PIK3R3: variants seen among roughly 807,000 people sequenced by gnomAD.
PIK3R3 encodes the protein phosphatidylinositol 3-kinase regulatory subunit gamma.
In PIK3R3, 64 loss-of-function variants were observed where a neutral mutation model predicts 62.9. That is an observed-to-expected ratio of 1.02 (90% CI 0.83 to 1.25). The LOEUF (loss-of-function observed/expected upper bound fraction) is 1.25. Ranked by LOEUF, PIK3R3 falls within the 50% of genes most tolerant of loss-of-function variation. The pLI, the probability that PIK3R3 is intolerant of heterozygous loss-of-function variation, is 0.00. For synonymous variants in PIK3R3, 165 were observed against 189.0 expected (o/e 0.87, Z 1.04); for missense variants, 614 against 561.6 (o/e 1.09, Z -0.94).
At chr1:46,087,963 T>C (rs1175472559) in intron 1 of PIK3R3, among the ~76,000 whole-genome samples, 2 of 152,190 alleles carry the variant, frequency 1.3e-5, no homozygotes, top group Non-Finnish European at 2.9e-5. Flanking sequence ...AAGGATGGAA[T>C]AGAAGTTAGT....
At chr1:46,127,545 G>A (rs1198523363) in intron 1 of PIK3R3, among the ~76,000 whole-genome samples, 1 of 152,118 alleles carries the variant, frequency 6.6e-6, no homozygotes, top group Non-Finnish European at 1.5e-5. Context: ...AACCTTTTGT[G>A]TATGAGTTAT....
the PIK3R3 span, among the ~76,000 whole-genome samples, chr1:46,150,140 C>T: frequency 1.3e-5 from 2 of 152,196 alleles, no homozygotes; most frequent in Non-Finnish European, 2.9e-5. Flanking sequence ...TCCTGAAACC[C>T]CCATCCCTTC....
intron 6 of PIK3R3, among the ~76,000 whole-genome samples, chr1:46,060,828 G>A (rs1481610341): frequency 2.6e-5 from 4 of 152,150 alleles, no homozygotes; most frequent in African/African-American, 9.7e-5. Context: ...CACTAATACT[G>A]TGGTCCTAAT....
chr1:46,128,597 A>C (rs1043810276), intron 1 of PIK3R3, among the ~76,000 whole-genome samples: 1 of 152,218 alleles, frequency 6.6e-6, no homozygotes, highest in Non-Finnish European at 1.5e-5. Context: ...AGGCACCTAA[A>C]GACTAGAAGG....
intron 5 of PIK3R3, among the ~76,000 whole-genome samples, chr1:46,063,592 G>C (rs905237595): frequency 6.6e-6 from 1 of 152,120 alleles, no homozygotes; most frequent in African/African-American, 2.4e-5. Context: ...ACAGCAAAGG[G>C]AAAAGTATTT....
intron 3 of PIK3R3, among the ~76,000 whole-genome samples, chr1:46,067,646 C>A (rs191963354): frequency 4.1e-4 from 62 of 152,208 alleles, no homozygotes; most frequent in Non-Finnish European, 1.0e-4. Flanking sequence ...TGATTTATAG[C>A]TGCATAATTA....
chr1:46,047,590 C>T (rs1233897897), intron 7 of PIK3R3, among the ~76,000 whole-genome samples: 2 of 152,100 alleles, frequency 1.3e-5, no homozygotes, highest in Non-Finnish European at 2.9e-5. Flanking sequence ...AAAGCATCTT[C>T]GTTCATCATT....
chr1:46,131,564 G>A, intron 1 of PIK3R3: 1 of 435,910 alleles, frequency 2.3e-6, no homozygotes, highest in Non-Finnish European at 4.3e-6. Context: ...TGAACGACAC[G>A]CAAAGGCAAA....
At chr1:46,075,909 G>C (rs76071810) in intron 3 of PIK3R3, among the ~76,000 whole-genome samples, 6,116 of 152,270 alleles carry the variant, frequency 0.04, 421 homozygotes, top group African/African-American at 0.14. Context: ...GAACCCATAG[G>C]GGGTGAGGAG....
At chr1:46,166,220 CTTTTCTTTTCTTTTT>C in the PIK3R3 span, among the ~76,000 whole-genome samples, 1 of 150,482 alleles carries the variant, frequency 6.6e-6, no homozygotes, top group Admixed American at 6.6e-5. Flanking sequence ...CTTTTCTTTT[CTTTTCTTTTCTTTTT>C]TTTTCTGAGA....
intron 1 of PIK3R3, among the ~76,000 whole-genome samples, chr1:46,101,980 C>CTTTTTTTTTTTTTTT (rs538688681): frequency 2.2e-5 from 2 of 89,930 alleles, no homozygotes; most frequent in Non-Finnish European, 4.0e-5. Flanking sequence ...GAATTGTATA[C>CTTTTTTTTTTTTTTT]TTTTTTTTTT....
intron 1 of PIK3R3, among the ~76,000 whole-genome samples, chr1:46,098,899 G>A (rs867536676): frequency 2.0e-5 from 3 of 151,888 alleles, no homozygotes; most frequent in African/African-American, 7.3e-5. Flanking sequence ...ACAGGGTCTC[G>A]CTAAATTGCC....
chr1:46,155,870 C>T, the PIK3R3 span, among the ~76,000 whole-genome samples: 3 of 152,094 alleles, frequency 2.0e-5, no homozygotes, highest in African/African-American at 7.2e-5. Context: ...ATTCAGATTT[C>T]GGTATCCATA....
chr1:46,071,099 CT>C (rs1557578405), intron 3 of PIK3R3, among the ~76,000 whole-genome samples: 2 of 152,010 alleles, frequency 1.3e-5, no homozygotes, highest in African/African-American at 4.8e-5. Context: ...ATCCCAGGCC[CT>C]CCTTCTCCCT....
At chr1:46,074,315 AAAC>A (rs1197088890) in intron 3 of PIK3R3, among the ~76,000 whole-genome samples, 2,020 of 62,718 alleles carry the variant, frequency 0.032, 442 homozygotes, top group Non-Finnish European at 0.037. Flanking sequence ...AAAAAAAAAA[AAAC>A]CAATAAATTC....
chr1:46,061,748 A>G (rs1648506974), intron 6 of PIK3R3, among the ~76,000 whole-genome samples, 181 bp downstream of exon 6: 1 of 152,202 alleles, frequency 6.6e-6, no homozygotes, highest in African/African-American at 2.4e-5. Flanking sequence ...TCCGTTTGGG[A>G]GAATGAACAA....
chr1:46,086,658 C>CCATT (rs1341213261), intron 1 of PIK3R3, among the ~76,000 whole-genome samples: 1 of 152,102 alleles, frequency 6.6e-6, no homozygotes, highest in Non-Finnish European at 1.5e-5. Context: ...CGAGATCGTG[C>CCATT]CATTGCACTC....
the PIK3R3 span, among the ~76,000 whole-genome samples, chr1:46,144,602 T>TACTAAGAATACAAAAGTTA: frequency 6.6e-6 from 1 of 152,094 alleles, no homozygotes; most frequent in African/African-American, 2.4e-5. Context: ...ACCCTGTCTC[T>TACTAAGAATACAAAAGTTA]ACTAAGAATA....
intron 1 of PIK3R3, chr1:46,105,049 T>C: frequency 2.7e-6 from 2 of 747,554 alleles, no homozygotes; most frequent in Non-Finnish European, 4.9e-6. Flanking sequence ...AATACAGTAA[T>C]GCTGTATTAG....
Sources: gnomAD v4.1 joint callset for allele counts (sites outside exome capture counted in the v4.1 genomes callset) on GRCh38, gnomAD v4.1.1 for gene constraint, MANE v1.5 for transcripts, NCBI Gene and HGNC (gene_info 2026-07-23, HGNC 2026-07-21) for gene names.